The following GLCE variants were observed in gnomAD, a reference collection of about 807,000 sequenced individuals.
GLCE encodes D-glucuronyl C5-epimerase.
GLCE carries 19 observed loss-of-function variants against 47.9 expected under a neutral mutation model. The ratio of observed to expected loss-of-function variants is 0.40; its 90% CI spans 0.28 to 0.58. The LOEUF (loss-of-function observed/expected upper bound fraction) is 0.58, where lower values mean the gene tolerates loss of function less well. GLCE is among the 20% of genes least tolerant of loss of function. The pLI is 0.48. For missense variants in GLCE, 556 were observed against 743.3 expected (o/e 0.75, Z 2.93); for synonymous variants, 245 against 263.4 (o/e 0.93, Z 0.68).
chr15:69,217,312 T>C (rs1159287381), intron 2 of GLCE, among the ~76,000 whole-genome samples: 10 of 151,814 alleles, frequency 6.6e-5, no homozygotes, highest in Non-Finnish European at 1.5e-4. Flanking sequence ...TTGTTTTTTA[T>C]TGATCCTTAT....
At chr15:69,173,997 A>G (rs2051624174) in intron 1 of GLCE, among the ~76,000 whole-genome samples, 1 of 152,046 alleles carries the variant, frequency 6.6e-6, no homozygotes, top group Admixed American at 6.5e-5. Context: ...AGCTGGGACT[A>G]CAGGCGCATG....
chr15:69,161,031 G>T (rs1394940670), intron 1 of GLCE, among the ~76,000 whole-genome samples: 1 of 152,122 alleles, frequency 6.6e-6, no homozygotes, highest in Non-Finnish European at 1.5e-5. Context: ...TCCGGCTTGG[G>T]GTAGGGGTGG....
At chr15:69,263,427 CT>C (rs879850919) in intron 4 of GLCE, among the ~76,000 whole-genome samples, 58 of 143,578 alleles carry the variant, frequency 4.0e-4, no homozygotes, top group South Asian at 8.9e-4. Context: ...TGCTGTTGGT[CT>C]TTTTTTTTTT....
rs190077093 is a variant in GLCE, at chr15:69,234,306, G to C, written c.-13-21488G>C. On this transcript the variant is annotated intron_variant, in intron 2 of 4. Transcript: ENST00000261858. ...AAGATTATTTTTTTTTAATTTTTTT[G>C]ACCTTATTTTTTCTGGGGCCACCGT... Among the ~76,000 whole-genome samples the C allele has an allele frequency of 4.8e-4, 73 of 151,580 alleles. 1 individual carries two copies. Among genetic ancestry groups the C allele is most frequent in the African/African-American group, 1.7e-3 (71 of 41,392 alleles).
At chr15:69,193,035 T>G (rs965958236) in intron 1 of GLCE, among the ~76,000 whole-genome samples, 1 of 152,132 alleles carries the variant, frequency 6.6e-6, no homozygotes, top group Non-Finnish European at 1.5e-5. Context: ...GTGCATTTTT[T>G]GGGATCTCTT....
chr15:69,180,685 T>G (rs2051737264), intron 1 of GLCE, among the ~76,000 whole-genome samples: 1 of 152,176 alleles, frequency 6.6e-6, no homozygotes, highest in African/African-American at 2.4e-5. Flanking sequence ...AGTAAAGGAC[T>G]GGGTAATATA....
At chr15:69,235,692 A>G (rs2052587479) in intron 2 of GLCE, among the ~76,000 whole-genome samples, 1 of 152,110 alleles carries the variant, frequency 6.6e-6, no homozygotes, top group African/African-American at 2.4e-5. Flanking sequence ...ATACCTTCTC[A>G]CTTTGTTTGT....
Position 69,191,339 on chromosome 15 carries a change from G to A in GLCE, c.-104-18977G>A, listed in dbSNP as rs113057105. The stretch of plus-strand genomic sequence containing the variant: ...TACCAAATTGTAGTGTATCACCTCC[G>A]GTTTGGTGGTTGGCTAGGAGGACTC... On this transcript the variant is annotated intron_variant, in intron 1 of 4. Transcript: ENST00000261858. Among the ~76,000 whole-genome samples the A allele has an allele frequency of 5.3e-3, 805 of 152,142 alleles. 6 individuals carry two copies. Among genetic ancestry groups the A allele is most frequent in the Non-Finnish European group, 6.9e-3 (471 of 67,988 alleles).
chr15:69,248,736 G>A (rs1237093068), intron 2 of GLCE, among the ~76,000 whole-genome samples: 1 of 152,074 alleles, frequency 6.6e-6, no homozygotes, highest in Non-Finnish European at 1.5e-5. Flanking sequence ...AAGTAGCTGG[G>A]ACAACAGGTG....
intron 1 of GLCE, among the ~76,000 whole-genome samples, chr15:69,177,174 C>T (rs572926471): frequency 3.3e-4 from 51 of 152,246 alleles, no homozygotes; most frequent in African/African-American, 1.2e-3. Context: ...CATGCGCCAC[C>T]ACACCCAGCT....
At chr15:69,262,603 C>T (rs915121839) in intron 4 of GLCE, among the ~76,000 whole-genome samples, 4 of 152,130 alleles carry the variant, frequency 2.6e-5, no homozygotes, top group African/African-American at 9.7e-5. Context: ...TTTAGAGCAA[C>T]AGATTTCATT....
chr15:69,237,858 C>G (rs4459495), intron 2 of GLCE, among the ~76,000 whole-genome samples: 7 of 152,090 alleles, frequency 4.6e-5, no homozygotes. Flanking sequence ...TTTTCTTTTT[C>G]TTGGCTTTCC....
intron 1 of GLCE, among the ~76,000 whole-genome samples, chr15:69,190,444 T>TGCAA (rs2140351807): frequency 6.6e-6 from 1 of 152,266 alleles, no homozygotes; most frequent in Admixed American, 6.5e-5. Context: ...TTTTATCAGG[T>TGCAA]TTTGCTTTAG....
intron 1 of GLCE, among the ~76,000 whole-genome samples, chr15:69,202,260 C>A (rs1344814970): frequency 3.3e-5 from 5 of 151,628 alleles, no homozygotes; most frequent in African/African-American, 9.7e-5. Context: ...AGAGTACTTA[C>A]CCAATTAAAA....
chr15:69,226,965 G>A lies in GLCE; in HGVS notation c.-14+16559G>A, dbSNP rs1157262558. 5.9e-5 allele frequency among the ~76,000 whole-genome samples: 9 copies of A among 151,738 alleles called. No individual in the cohort carries two copies. In the East Asian group the frequency reaches 1.6e-3, roughly 26 times the overall value. On this transcript the variant is annotated intron_variant, in intron 2 of 4. Transcript: ENST00000261858. The stretch of plus-strand genomic sequence containing the variant: ...TCGCCATGTTGGCCAGGCTGGTCTC[G>A]ACCTCCTGACCTCAGATGATCCACC...
At position 69,261,191 on chromosome 15, in the gene GLCE, C is replaced by T. The variant is rs2053008842; in HGVS notation, c.691C>T (p.Pro231Ser). Residue 231 changes from proline (P) to serine (S), a missense_variant, in exon 4 of 5, where the codon CCT becomes TCT. Coordinates refer to ENST00000261858, the MANE Select transcript of GLCE (RefSeq NM_015554.3). ...HYSKNLTEKP[P>S]HIEVYETAED... is the part of the protein sequence containing the mutation. ...CAGCAAGAATCTAACTGAGAAACCT[C>T]CTCACATAGAGGTATATGAAACAGC... 6.2e-7 allele frequency: 1 copy of T among 1,613,928 alleles called. No individual in the cohort carries two copies. Among genetic ancestry groups the T allele is most frequent in the Non-Finnish European group, 8.5e-7 (1 of 1,179,958 alleles).
At chr15:69,263,680 C>T (rs950366041) in intron 4 of GLCE, among the ~76,000 whole-genome samples, 1 of 152,152 alleles carries the variant, frequency 6.6e-6, no homozygotes, top group Non-Finnish European at 1.5e-5. Context: ...CTCACTTTCT[C>T]CTATTTCTGT....
At chr15:69,208,705 T>C (rs1174014290) in intron 1 of GLCE, among the ~76,000 whole-genome samples, 1 of 152,046 alleles carries the variant, frequency 6.6e-6, no homozygotes, top group Admixed American at 6.6e-5. Context: ...CTAGACCAGT[T>C]TGGGGAGAAT....
chr15:69,263,337 C>T (rs950484380), intron 4 of GLCE, among the ~76,000 whole-genome samples: 1 of 152,004 alleles, frequency 6.6e-6, no homozygotes, highest in African/African-American at 2.4e-5. Context: ...TTCAGAGAAT[C>T]ACCATTAAGA....
Sources: allele counts gnomAD v4.1 joint callset (sites outside exome capture counted in the v4.1 genomes callset), GRCh38; gene constraint gnomAD v4.1.1; transcripts MANE v1.5; gene names NCBI Gene and HGNC (gene_info 2026-07-23, HGNC 2026-07-21).